ACER1: variants seen among roughly 807,000 people sequenced by gnomAD.
ACER1 encodes the protein CTB-180A7.3.
A neutral mutation model predicts 24.9 loss-of-function variants in ACER1; 28 were observed. The ratio of observed to expected loss-of-function variants is 1.13; its 90% CI spans 0.83 to 1.54. The LOEUF (loss-of-function observed/expected upper bound fraction) is 1.54, where lower values mean the gene tolerates loss of function less well. Among genes scored for constraint, ACER1 ranks in the 40% most tolerant of loss-of-function variants. The pLI, the probability that ACER1 is intolerant of heterozygous loss-of-function variation, is 0.00. For synonymous variants in ACER1, 132 were observed against 131.4 expected (o/e 1.00, Z -0.03); for missense variants, 352 against 349.3 (o/e 1.01, Z -0.06).
chr19:6,343,108 G>A, the ACER1 span, among the ~76,000 whole-genome samples: 3 of 152,158 alleles, frequency 2.0e-5, no homozygotes, highest in East Asian at 1.9e-4. Context: ...CCGATTCCGA[G>A]TACTGGTGAG....
At chr19:6,351,689 C>A in the ACER1 span, among the ~76,000 whole-genome samples, 1 of 136,856 alleles carries the variant, frequency 7.3e-6, no homozygotes, top group Admixed American at 7.0e-5. Flanking sequence ...GCTGTGATTG[C>A]GCTACTGCAC....
the ACER1 span, among the ~76,000 whole-genome samples, chr19:6,345,358 G>A: frequency 6.6e-6 from 1 of 152,026 alleles, no homozygotes; most frequent in Non-Finnish European, 1.5e-5. Context: ...ATTTTATCAC[G>A]GAGGTGTGGA....
At chr19:6,347,109 A>AAAAAAAAATATATATATATATATATAT in the ACER1 span, among the ~76,000 whole-genome samples, 4 of 113,776 alleles carry the variant, frequency 3.5e-5, no homozygotes, top group East Asian at 2.6e-4. Flanking sequence ...AAAAAAAAAA[A>AAAAAAAAATATATATATATATATATAT]ATATATATAT....
chr19:6,319,809 A>G (rs1325332820), intron 1 of ACER1, among the ~76,000 whole-genome samples: 1 of 152,026 alleles, frequency 6.6e-6, no homozygotes, highest in Admixed American at 6.6e-5. Flanking sequence ...AGAAAAGAAT[A>G]CACATAAATA....
Position 6,329,356 on chromosome 19 carries a change from TATAGAATAGA to T in ACER1, c.93+4093_93+4102del, listed in dbSNP as rs57029699. Among the ~76,000 whole-genome samples the T allele has an allele frequency of 4.2e-3, 569 of 134,034 alleles. 3 individuals carry two copies. The highest frequency in any genetic ancestry group is 0.016 in the East Asian group (71 of 4,340). The allele number at this position is 134,034 out of a possible 152,430, so 87.9% of individuals were successfully genotyped here. A position where few individuals can be genotyped will look rare whatever the true frequency, so the allele number is the denominator to read the frequency against. ...ACCTGTTTGGAGAGAGGCTTTTTGATATAGAATAGAATAGAATAGAATAGAATAGAATAGA... is the reference window on the plus strand; with the variant it reads ...ACCTGTTTGGAGAGAGGCTTTTTGATATAGAATAGAATAGAATAGAATAGA... On this transcript the variant is annotated intron_variant, in intron 1 of 5. Transcript: ENST00000301452.
the ACER1 span, among the ~76,000 whole-genome samples, chr19:6,351,121 C>T: frequency 6.6e-6 from 1 of 152,100 alleles, no homozygotes; most frequent in Non-Finnish European, 1.5e-5. Flanking sequence ...AATCTCAGCA[C>T]TTTGGGAGGC....
At chr19:6,307,648 A>C (rs941734361) in intron 4 of ACER1, among the ~76,000 whole-genome samples, 1 of 151,362 alleles carries the variant, frequency 6.6e-6, no homozygotes, top group Non-Finnish European at 1.5e-5. Flanking sequence ...AAAATTAGCC[A>C]GGCATGATGG....
At chr19:6,346,095 A>C in the ACER1 span, among the ~76,000 whole-genome samples, 1 of 152,178 alleles carries the variant, frequency 6.6e-6, no homozygotes, top group Non-Finnish European at 1.5e-5. Flanking sequence ...GATAAAATAC[A>C]GGACACCCAG....
chr19:6,357,999 G>A, the ACER1 span, among the ~76,000 whole-genome samples: 1 of 152,162 alleles, frequency 6.6e-6, no homozygotes, highest in Admixed American at 6.5e-5. Flanking sequence ...CAGGCAGGGG[G>A]TGCAGGGCAG....
At chr19:6,352,025 C>T in the ACER1 span, among the ~76,000 whole-genome samples, 2 of 149,034 alleles carry the variant, frequency 1.3e-5, no homozygotes, top group South Asian at 4.3e-4. Context: ...CACTGCACTC[C>T]AGCCTGGGCG....
upstream of ACER1, among the ~76,000 whole-genome samples, chr19:6,336,570 C>G (rs1600247776): frequency 6.6e-6 from 1 of 152,040 alleles, no homozygotes. Flanking sequence ...CCTGTAATCC[C>G]AGCACTTTAG....
Position 6,306,701 on chromosome 19 carries a change from A to G in ACER1, c.*13T>C, listed in dbSNP as rs772993622. 12 of 1,593,478 alleles carry G rather than the reference A, an allele frequency of 7.5e-6. No homozygotes were observed. The South Asian group carries it at 1.4e-4, about 18-fold the overall frequency. ...GTTGTTGGGTGGTTGGATAGTCAAG[A>G]GGCTGGCAGGTCTCAGCAGTCCTTG... On this transcript the variant is annotated 3_prime_UTR_variant, in exon 6 of 6. Coordinates refer to ENST00000301452, the MANE Select transcript of ACER1 (RefSeq NM_133492.3).
At chr19:6,323,491 A>G (rs916648508) in intron 1 of ACER1, among the ~76,000 whole-genome samples, 2 of 151,876 alleles carry the variant, frequency 1.3e-5, no homozygotes, top group Non-Finnish European at 2.9e-5. Context: ...GCCTGCTGCC[A>G]TCCACGTAAG....
chr19:6,337,661 C>CTTTTTTTTTTTTTTTTTTTT (rs1192304687), upstream of ACER1, among the ~76,000 whole-genome samples: 8 of 25,932 alleles, frequency 3.1e-4, 1 homozygote, highest in Non-Finnish European at 3.4e-4. Context: ...TTCTTTCTTT[C>CTTTTTTTTTTTTTTTTTTTT]TTTTTTTTTT....
At chr19:6,328,638 C>G (rs376177967) in intron 1 of ACER1, among the ~76,000 whole-genome samples, 1 of 151,898 alleles carries the variant, frequency 6.6e-6, no homozygotes, top group African/African-American at 2.4e-5. Flanking sequence ...TTGAGCCCAG[C>G]CTGGCAGCAT....
chr19:6,354,175 C>T, the ACER1 span, among the ~76,000 whole-genome samples: 1 of 151,230 alleles, frequency 6.6e-6, no homozygotes, highest in South Asian at 2.1e-4. Flanking sequence ...GAGCAAGAGA[C>T]CATCTCAAAA....
chr19:6,356,440 T>C, the ACER1 span, among the ~76,000 whole-genome samples: 2 of 148,850 alleles, frequency 1.3e-5, no homozygotes, highest in Admixed American at 1.3e-4. Context: ...CAAATCCCCC[T>C]CTGCGAGAAA....
At chr19:6,321,100 A>G (rs2091628426) in intron 1 of ACER1, among the ~76,000 whole-genome samples, 1 of 151,722 alleles carries the variant, frequency 6.6e-6, no homozygotes, top group South Asian at 2.1e-4. Context: ...TTCATAAGGC[A>G]TGCAACCATC....
intron 5 of ACER1, 104 bp downstream of exon 5, chr19:6,307,049 C>G (rs1479977731): frequency 5.8e-6 from 9 of 1,543,208 alleles, no homozygotes; most frequent in Non-Finnish European, 7.9e-6. Flanking sequence ...TCTGGCTCTC[C>G]TCTCTCTGCT....
Sources: gnomAD v4.1 joint callset for allele counts (sites outside exome capture counted in the v4.1 genomes callset) on GRCh38, gnomAD v4.1.1 for gene constraint, MANE v1.5 for transcripts, NCBI Gene and HGNC (gene_info 2026-07-23, HGNC 2026-07-21) for gene names.